The following KCND3 variants were observed in gnomAD, a reference collection of about 807,000 sequenced individuals.
KCND3 encodes A-type voltage-gated potassium channel KCND3.
KCND3 carries 9 observed loss-of-function variants against 51.1 expected under a neutral mutation model. The ratio of observed to expected loss-of-function variants is 0.18; its 90% CI spans 0.11 to 0.31. The LOEUF (loss-of-function observed/expected upper bound fraction) is 0.31. KCND3 is among the 10% of genes least tolerant of loss of function. The pLI, the probability that KCND3 is intolerant of heterozygous loss-of-function variation, is 1.00. For missense variants in KCND3, 526 were observed against 903.8 expected, an observed-to-expected ratio of 0.58 and a Z score of 5.36; for synonymous variants, 349 against 368.0, an observed-to-expected ratio of 0.95 and a Z score of 0.59.
chr1:111,989,475 C>T (rs1675512727), intron 1 of KCND3, among the ~76,000 whole-genome samples, 30 bp downstream of exon 1: 1 of 151,898 alleles, frequency 6.6e-6, no homozygotes, highest in Non-Finnish European at 1.5e-5. Flanking sequence ...CACTTCCTGG[C>T]TCCAGAAGGC....
At chr1:111,962,370 A>T in intron 2 of KCND3, among the ~76,000 whole-genome samples, 1 of 152,070 alleles carries the variant, frequency 6.6e-6, no homozygotes, top group Middle Eastern at 3.4e-3. Context: ...TGAGACTGCA[A>T]TCATGATCTT....
chr1:111,875,290 G>A (rs1237655530), intron 2 of KCND3, among the ~76,000 whole-genome samples: 1 of 152,316 alleles, frequency 6.6e-6, no homozygotes, highest in Non-Finnish European at 1.5e-5. Flanking sequence ...CAGGTGAGAG[G>A]AAGCAGACAG....
chr1:111,949,096 C>A (rs923890421), intron 2 of KCND3, among the ~76,000 whole-genome samples: 9 of 152,146 alleles, frequency 5.9e-5, no homozygotes, highest in African/African-American at 2.2e-4. Context: ...TGCAACTGGG[C>A]TGAAGGGCTG....
At chr1:111,806,996 G>A (rs1665602681) in intron 2 of KCND3, among the ~76,000 whole-genome samples, 1 of 152,214 alleles carries the variant, frequency 6.6e-6, no homozygotes, top group Non-Finnish European at 1.5e-5. Context: ...TTGGGTTAAG[G>A]AGGTCCTGGA....
intron 2 of KCND3, among the ~76,000 whole-genome samples, chr1:111,963,198 A>T (rs1055421711): frequency 6.6e-6 from 1 of 152,242 alleles, no homozygotes; most frequent in Admixed American, 6.5e-5. Context: ...GAGATGTAAT[A>T]AATGTTTATG....
At chr1:111,919,395 TG>T (rs1378392241) in intron 2 of KCND3, among the ~76,000 whole-genome samples, 2 of 152,022 alleles carry the variant, frequency 1.3e-5, no homozygotes, top group South Asian at 2.1e-4. Flanking sequence ...GTGTGACCTT[TG>T]CCTGGGACCT....
intron 1 of KCND3, among the ~76,000 whole-genome samples, chr1:111,984,363 A>G (rs572066102): frequency 1.4e-4 from 21 of 152,286 alleles, no homozygotes; most frequent in African/African-American, 5.1e-4. Context: ...CTCCTTGTAA[A>G]AAGCTGCTGT....
At chr1:111,980,725 T>C (rs1165147988) in intron 2 of KCND3, among the ~76,000 whole-genome samples, 3 of 152,210 alleles carry the variant, frequency 2.0e-5, no homozygotes, top group Non-Finnish European at 4.4e-5. Flanking sequence ...GCTATAATCC[T>C]GCTAGGGTGA....
chr1:111,979,571 T>C lies in KCND3; in HGVS notation c.1106+2050A>G, dbSNP rs544355297. Among the ~76,000 whole-genome samples the C allele has an allele frequency of 3.3e-5, 5 of 152,236 alleles. No homozygotes were observed. The South Asian group carries it at 8.3e-4, about 25-fold the overall frequency. On this transcript the variant is annotated intron_variant, in intron 2 of 7. Coordinates refer to ENST00000302127, the MANE Select transcript of KCND3 (RefSeq NM_001378969.1). ...CCTAGGGGCCCTGATGGCATGGGAA[T>C]GAGTAGTAGGGTGAAAGGAGAAAGG...
chr1:111,785,476 G>A (rs553087614), intron 3 of KCND3, among the ~76,000 whole-genome samples: 206 of 152,250 alleles, frequency 1.4e-3, no homozygotes, highest in Non-Finnish European at 2.4e-3. Context: ...GACGGACAGA[G>A]CCAGAAGATA....
At chr1:111,927,234 C>T (rs1238872108) in intron 2 of KCND3, among the ~76,000 whole-genome samples, 1 of 152,178 alleles carries the variant, frequency 6.6e-6, no homozygotes, top group Admixed American at 6.5e-5. Context: ...CCAGTGGGGG[C>T]TATGGGGTGC....
intron 2 of KCND3, among the ~76,000 whole-genome samples, chr1:111,883,953 T>G (rs571363282): frequency 2.6e-5 from 4 of 152,354 alleles, no homozygotes; most frequent in African/African-American, 7.2e-5. Flanking sequence ...AGGTATGTTC[T>G]GCTTAATGCT....
chr1:111,970,402 T>C (rs1269782998), intron 2 of KCND3, among the ~76,000 whole-genome samples: 1 of 152,270 alleles, frequency 6.6e-6, no homozygotes, highest in Non-Finnish European at 1.5e-5. Flanking sequence ...GCCTGTTGCA[T>C]GGCAGACCCA....
intron 2 of KCND3, among the ~76,000 whole-genome samples, chr1:111,807,187 T>C (rs953447346): frequency 1.3e-5 from 2 of 152,102 alleles, no homozygotes; most frequent in African/African-American, 4.8e-5. Flanking sequence ...AAAATGATGA[T>C]AAAAAGAGAC....
At chr1:111,942,015 C>T (rs1171045200) in intron 2 of KCND3, among the ~76,000 whole-genome samples, 1 of 152,162 alleles carries the variant, frequency 6.6e-6, no homozygotes, top group Non-Finnish European at 1.5e-5. Flanking sequence ...AATCTATCAG[C>T]TTATCCTGCT....
intron 2 of KCND3, among the ~76,000 whole-genome samples, chr1:111,903,587 C>T (rs1670496128): frequency 1.3e-5 from 2 of 152,204 alleles, no homozygotes; most frequent in Non-Finnish European, 2.9e-5. Context: ...TATTTGAGCA[C>T]AATTTGAACA....
Position 111,989,550 on chromosome 1 carries a change from G to A in KCND3, c.-118C>T, listed in dbSNP as rs368802488. Reference sequence around the variant, plus strand: ...GCCCCGCGCCCGGCGCCCCGCGCGCGCGAGGAAGCTGCGGCCGGGAGCCGG... The same window carrying A: ...GCCCCGCGCCCGGCGCCCCGCGCGCACGAGGAAGCTGCGGCCGGGAGCCGG... On this transcript the variant is annotated 5_prime_UTR_variant, in exon 1 of 8. Transcript: ENST00000302127. Among the ~76,000 whole-genome samples, 3 of 149,868 alleles carry A rather than the reference G, an allele frequency of 2.0e-5. No individual in the cohort carries two copies. The highest frequency in any genetic ancestry group is 3.9e-4 in the East Asian group (2 of 5,112).
At chr1:111,814,444 C>T (rs1220306233) in intron 2 of KCND3, among the ~76,000 whole-genome samples, 1 of 152,222 alleles carries the variant, frequency 6.6e-6, no homozygotes, top group African/African-American at 2.4e-5. Flanking sequence ...AAGTAACACA[C>T]CTGTGAACAA....
intron 2 of KCND3, among the ~76,000 whole-genome samples, chr1:111,878,485 C>T (rs796329787): frequency 6.6e-6 from 1 of 152,224 alleles, no homozygotes; most frequent in Non-Finnish European, 1.5e-5. Context: ...CCCCTTCTCC[C>T]CACCCCTGGC....
Sources: allele counts gnomAD v4.1 joint callset (sites outside exome capture counted in the v4.1 genomes callset), GRCh38; gene constraint gnomAD v4.1.1; transcripts MANE v1.5; gene names NCBI Gene and HGNC (gene_info 2026-07-23, HGNC 2026-07-21).